CSMD3: variants seen among roughly 807,000 people sequenced by gnomAD.
The protein encoded by CSMD3 is CUB and Sushi multiple domains 3.
A neutral mutation model predicts 435.2 loss-of-function variants in CSMD3; 177 were observed. The ratio of observed to expected loss-of-function variants is 0.41; its 90% CI spans 0.36 to 0.46. The LOEUF is 0.46. Ranked by LOEUF, CSMD3 falls within the 20% of genes least tolerant of loss-of-function variation. CSMD3 has a pLI of 0.34. For synonymous variants in CSMD3, 1,656 were observed against 1,520.5 expected (o/e 1.09, Z -2.07); for missense variants, 4,265 against 4,504.6 (o/e 0.95, Z 1.52).
At chr8:112,986,649 T>C (rs1282058564) in intron 6 of CSMD3, among the ~76,000 whole-genome samples, 1 of 152,112 alleles carries the variant, frequency 6.6e-6, no homozygotes, top group Non-Finnish European at 1.5e-5. Context: ...TATTGAGAAT[T>C]AAATCCATAG....
intron 5 of CSMD3, among the ~76,000 whole-genome samples, chr8:113,080,401 T>A (rs1168022507): frequency 3.9e-5 from 6 of 152,202 alleles, no homozygotes; most frequent in Admixed American, 2.0e-4. Flanking sequence ...TTTCAATTCA[T>A]AAATATTCAT....
intron 13 of CSMD3, among the ~76,000 whole-genome samples, chr8:112,704,019 A>G (rs1373197041): frequency 6.6e-6 from 1 of 152,144 alleles, no homozygotes; most frequent in East Asian, 1.9e-4. Flanking sequence ...GGCAGCAAGT[A>G]TGCCCTGGGA....
intron 5 of CSMD3, among the ~76,000 whole-genome samples, chr8:113,088,538 G>A (rs1225951625): frequency 6.6e-6 from 1 of 151,464 alleles, no homozygotes; most frequent in Non-Finnish European, 1.5e-5. Flanking sequence ...CCATAAAAAA[G>A]GATAAGTTCA....
At chr8:113,115,323 A>G (rs891114194) in intron 4 of CSMD3, among the ~76,000 whole-genome samples, 19 of 152,188 alleles carry the variant, frequency 1.2e-4, no homozygotes, top group African/African-American at 4.1e-4. Flanking sequence ...TAAATACAAT[A>G]TAGGTGCTGA....
intron 5 of CSMD3, among the ~76,000 whole-genome samples, chr8:113,046,444 T>G (rs985969438): frequency 3.7e-5 from 5 of 133,816 alleles, no homozygotes; most frequent in Non-Finnish European, 7.2e-5. Context: ...GCCACCCAGG[T>G]GTCTCCCTCT....
At chr8:112,698,238 A>G (rs932667927) in intron 13 of CSMD3, among the ~76,000 whole-genome samples, 4 of 152,284 alleles carry the variant, frequency 2.6e-5, no homozygotes, top group South Asian at 2.1e-4. Context: ...AGAAACAGAA[A>G]AGACTACAAA....
intron 19 of CSMD3, among the ~76,000 whole-genome samples, chr8:112,647,402 C>T (rs1299604335): frequency 1.3e-5 from 2 of 151,570 alleles, no homozygotes; most frequent in African/African-American, 4.8e-5. Context: ...CCCGGGTTCA[C>T]GCCATTCTCC....
At chr8:112,506,447 G>T (rs928791334) in intron 29 of CSMD3, among the ~76,000 whole-genome samples, 2 of 152,042 alleles carry the variant, frequency 1.3e-5, no homozygotes, top group Non-Finnish European at 2.9e-5. Flanking sequence ...AGGGAAAGAG[G>T]CTGGGTTTTG....
intron 13 of CSMD3, among the ~76,000 whole-genome samples, chr8:112,707,104 G>A (rs1213200655): frequency 6.6e-6 from 1 of 151,894 alleles, no homozygotes; most frequent in Non-Finnish European, 1.5e-5. Flanking sequence ...AAAGTAAATG[G>A]ATTTTTCTTT....
intron 4 of CSMD3, among the ~76,000 whole-genome samples, chr8:113,167,601 T>G (rs958061395): frequency 6.6e-6 from 1 of 152,162 alleles, no homozygotes; most frequent in South Asian, 2.1e-4. Context: ...GGCTATTGAG[T>G]GTTGATCTGA....
chr8:112,261,105 C>T (rs78210528), intron 61 of CSMD3, among the ~76,000 whole-genome samples: 8,797 of 152,076 alleles, frequency 0.058, 360 homozygotes, highest in East Asian at 0.14. Context: ...AGCAAATGTA[C>T]TATTAGTGAC....
At chr8:112,696,690 A>G (rs914897202) in intron 13 of CSMD3, among the ~76,000 whole-genome samples, 3 of 152,178 alleles carry the variant, frequency 2.0e-5, no homozygotes, top group Non-Finnish European at 4.4e-5. Flanking sequence ...CCAAAACACC[A>G]AAAGCAATGG....
At chr8:112,276,285 G>A (rs1186218014) in intron 59 of CSMD3, among the ~76,000 whole-genome samples, 2 of 152,188 alleles carry the variant, frequency 1.3e-5, no homozygotes, top group African/African-American at 4.8e-5. Flanking sequence ...TGCAGGTACA[G>A]CCTCCCTCTC....
At chr8:112,261,278 A>C (rs1207910849) in intron 61 of CSMD3, among the ~76,000 whole-genome samples, 1 of 152,074 alleles carries the variant, frequency 6.6e-6, no homozygotes, top group Non-Finnish European at 1.5e-5. Flanking sequence ...ACTAACATAT[A>C]TCTGTTTCAT....
chr8:112,583,160 A>G (rs1315090047), intron 23 of CSMD3, among the ~76,000 whole-genome samples: 7 of 152,022 alleles, frequency 4.6e-5, no homozygotes, highest in Non-Finnish European at 1.0e-4. Context: ...GAAAAGAACC[A>G]TAGAATTTGC....
intron 5 of CSMD3, among the ~76,000 whole-genome samples, chr8:113,027,078 G>A (rs886999878): frequency 3.3e-5 from 5 of 152,058 alleles, no homozygotes; most frequent in African/African-American, 9.7e-5. Flanking sequence ...AAAATGCCTG[G>A]GGATGGAGGA....
intron 1 of CSMD3, among the ~76,000 whole-genome samples, chr8:113,329,235 G>A (rs1251710135): frequency 5.9e-4 from 14 of 23,812 alleles, no homozygotes; most frequent in Non-Finnish European, 6.3e-4. Flanking sequence ...AAATAAATAA[G>A]GAATTAACTG....
chr8:113,192,973 G>C (rs958713399), intron 3 of CSMD3, among the ~76,000 whole-genome samples: 5 of 151,504 alleles, frequency 3.3e-5, no homozygotes, highest in African/African-American at 1.2e-4. Flanking sequence ...GTACTTTACT[G>C]TGTAGTGATT....
intron 13 of CSMD3, among the ~76,000 whole-genome samples, chr8:112,747,919 C>T (rs1361153839): frequency 7.0e-6 from 1 of 142,994 alleles, no homozygotes; most frequent in African/African-American, 2.6e-5. Flanking sequence ...GCGGAGATTG[C>T]GCCACAGCAC....
Sources: allele counts gnomAD v4.1 joint callset (sites outside exome capture counted in the v4.1 genomes callset), GRCh38; gene constraint gnomAD v4.1.1; transcripts MANE v1.5; gene names NCBI Gene and HGNC (gene_info 2026-07-23, HGNC 2026-07-21).